Variants in FGF14 observed in about 807,000 individuals in gnomAD.
FGF14 encodes fibroblast growth factor homologous factor 4.
Under a neutral mutation model 25.5 loss-of-function variants are expected in FGF14, and 5 were observed. The ratio of observed to expected loss-of-function variants is 0.20; its 90% confidence interval spans 0.10 to 0.41. The LOEUF is 0.41. Ranked by LOEUF, FGF14 falls within the 10% of genes least tolerant of loss-of-function variation. The pLI is 1.00. For missense variants in FGF14, 222 were observed against 320.1 expected (o/e 0.69, Z 2.34); for synonymous variants, 138 against 118.3 (o/e 1.17, Z -1.08).
At chr13:101,884,093 G>C (rs906042141) in intron 1 of FGF14, among the ~76,000 whole-genome samples, 3 of 106,824 alleles carry the variant, frequency 2.8e-5, no homozygotes, top group African/African-American at 1.1e-4. Context: ...AAAAAGACAA[G>C]GAAATGGAGG....
At chr13:102,083,251 C>G (rs916728725) in intron 1 of FGF14, among the ~76,000 whole-genome samples, 1 of 152,198 alleles carries the variant, frequency 6.6e-6, no homozygotes, top group Admixed American at 6.5e-5. Flanking sequence ...GCTGCAAAAG[C>G]TTCATGGTCT....
chr13:101,825,932 A>G (rs2042373703), intron 3 of FGF14, among the ~76,000 whole-genome samples: 1 of 152,158 alleles, frequency 6.6e-6, no homozygotes, highest in African/African-American at 2.4e-5. Context: ...ATATCCCTAA[A>G]AGATAATACA....
chr13:102,188,824 C>T (rs1369388716), intron 1 of FGF14, among the ~76,000 whole-genome samples: 1 of 151,690 alleles, frequency 6.6e-6, no homozygotes. Flanking sequence ...GGCTGTAATC[C>T]CAGATACTGG....
intron 1 of FGF14, among the ~76,000 whole-genome samples, chr13:102,099,362 T>C (rs1457809351): frequency 4.6e-5 from 7 of 152,222 alleles, no homozygotes; most frequent in African/African-American, 1.4e-4. Flanking sequence ...CGCTAAGCAC[T>C]GTTCTTTAAA....
At chr13:102,365,259 G>A (rs986074224) in intron 1 of FGF14, among the ~76,000 whole-genome samples, 6 of 151,990 alleles carry the variant, frequency 3.9e-5, no homozygotes, top group African/African-American at 1.4e-4. Flanking sequence ...GCCTAGGCAT[G>A]ACAGGATAGC....
At chr13:102,256,532 G>A (rs2052449604) in intron 1 of FGF14, among the ~76,000 whole-genome samples, 1 of 152,022 alleles carries the variant, frequency 6.6e-6, no homozygotes, top group Non-Finnish European at 1.5e-5. Context: ...TAATGTACAA[G>A]TTAAAACAGA....
chr13:102,252,967 G>T (rs1294183430), intron 1 of FGF14, among the ~76,000 whole-genome samples: 1 of 152,108 alleles, frequency 6.6e-6, no homozygotes, highest in East Asian at 1.9e-4. Flanking sequence ...ATGGTTTCCA[G>T]CTCCATCCAT....
At chr13:102,373,373 T>C (rs964546343) in intron 1 of FGF14, 6 of 152,294 alleles carry the variant, frequency 3.9e-5, no homozygotes, top group African/African-American at 7.2e-5. Flanking sequence ...AAGGTAAATA[T>C]GTAAGGTACA....
chr13:102,261,746 T>G (rs1450129579), intron 1 of FGF14, among the ~76,000 whole-genome samples: 2 of 152,180 alleles, frequency 1.3e-5, no homozygotes, highest in Non-Finnish European at 2.9e-5. Flanking sequence ...TTCATAAGTT[T>G]TTAAAGACAA....
At chr13:102,196,705 C>T (rs1191571355) in intron 1 of FGF14, among the ~76,000 whole-genome samples, 1 of 152,074 alleles carries the variant, frequency 6.6e-6, no homozygotes, top group African/African-American at 2.4e-5. Flanking sequence ...TCAAATCTAC[C>T]CTTTTAGCAA....
intron 1 of FGF14, among the ~76,000 whole-genome samples, chr13:102,184,939 A>C (rs1280056703): frequency 6.6e-6 from 1 of 152,202 alleles, no homozygotes; most frequent in Non-Finnish European, 1.5e-5. Context: ...ATTCAATATT[A>C]GGTACATGCT....
chr13:102,331,417 T>C (rs949613922), intron 1 of FGF14, among the ~76,000 whole-genome samples: 1 of 152,198 alleles, frequency 6.6e-6, no homozygotes, highest in African/African-American at 2.4e-5. Context: ...CTTGCATGTA[T>C]TGGTTAAACA....
intron 3 of FGF14, among the ~76,000 whole-genome samples, chr13:101,833,749 T>C (rs1046364528): frequency 5.9e-5 from 9 of 152,106 alleles, no homozygotes; most frequent in Non-Finnish European, 1.5e-5. Context: ...TTGCAAGTAA[T>C]TCTTCATCCC....
At chr13:102,226,413 C>T (rs1033909973) in intron 1 of FGF14, among the ~76,000 whole-genome samples, 1 of 152,172 alleles carries the variant, frequency 6.6e-6, no homozygotes, top group Non-Finnish European at 1.5e-5. Context: ...CCATTTATCT[C>T]CTAAAACTAT....
chr13:101,757,288 C>A (rs115083395), intron 3 of FGF14, among the ~76,000 whole-genome samples: 1 of 152,034 alleles, frequency 6.6e-6, no homozygotes, highest in Non-Finnish European at 1.5e-5. Context: ...TTTTATGAAA[C>A]AAATTTGGGG....
intron 3 of FGF14, among the ~76,000 whole-genome samples, chr13:101,761,144 A>G (rs573444722): frequency 9.5e-4 from 144 of 152,362 alleles, no homozygotes; most frequent in African/African-American, 3.3e-3. Context: ...TTGTCATAGT[A>G]AAACAACAAA....
rs2058687392 is a variant in FGF14 at position 102,400,882 on chromosome 13, G to GT, written c.208+588dup. Among the ~76,000 whole-genome samples, 1 of 152,148 alleles carries GT rather than the reference G, an allele frequency of 6.6e-6. No homozygotes were observed. The highest frequency in any genetic ancestry group is 6.5e-5 in the Admixed American group (1 of 15,286). On this transcript the variant is annotated intron_variant, in intron 1 of 4. Coordinates refer to the FGF14 transcript ENST00000376131. This position sits in a 1 kb window ranked among gnomAD's most constrained non-coding sequence, Gnocchi z 4.3. ...TCAAGTATTCCCGGTGGCAGGATGT[G>GT]TCAGAGGCAGACAGGGGGAATGAGT...
chr13:102,291,568 A>G (rs1340043364), intron 1 of FGF14, among the ~76,000 whole-genome samples: 1 of 152,202 alleles, frequency 6.6e-6, no homozygotes, highest in Non-Finnish European at 1.5e-5. Context: ...AGATCAATAA[A>G]TAACATTTTT....
intron 3 of FGF14, among the ~76,000 whole-genome samples, chr13:101,842,713 T>G (rs770696370): frequency 1.3e-5 from 2 of 152,034 alleles, no homozygotes; most frequent in Non-Finnish European, 2.9e-5. Flanking sequence ...CCAGCATGAC[T>G]CGGAGAGCAA....
Sources: gnomAD v4.1 joint callset for allele counts (sites outside exome capture counted in the v4.1 genomes callset) on GRCh38, gnomAD v4.1.1 for gene constraint, Gnocchi (gnomAD v3.1) non-coding constraint, MANE v1.5 for transcripts, NCBI Gene and HGNC (gene_info 2026-07-23, HGNC 2026-07-21) for gene names.